Variants in DOCK7 observed in about 807,000 individuals in gnomAD.
DOCK7 encodes the protein dedicator of cytokinesis 7, also known as dedicator of cytokinesis protein 7.
DOCK7 carries 138 observed loss-of-function variants against 271.0 expected under a neutral mutation model. The observed-to-expected ratio is 0.51, with a 90% CI of 0.44 to 0.59. The LOEUF (loss-of-function observed/expected upper bound fraction) is 0.59, where lower values mean the gene tolerates loss of function less well. Ranked by LOEUF, DOCK7 falls within the 20% of genes least tolerant of loss-of-function variation. The pLI is 0.00. For missense variants in DOCK7, 2,066 were observed against 2,592.4 expected, an observed-to-expected ratio of 0.80 and a Z score of 4.41; for synonymous variants, 823 against 876.1, an observed-to-expected ratio of 0.94 and a Z score of 1.07.
At chr1:62,582,900 T>C (rs569331113) in intron 16 of DOCK7, among the ~76,000 whole-genome samples, 1 of 152,256 alleles carries the variant, frequency 6.6e-6, no homozygotes, top group South Asian at 2.1e-4. Context: ...TGGAAATAAC[T>C]GGGAAAGACC....
chr1:62,504,480 T>G (rs1236252438), intron 37 of DOCK7, 150 bp downstream of exon 37: 1 of 838,768 alleles, frequency 1.2e-6, no homozygotes, highest in African/African-American at 1.7e-5. Context: ...TTTTGTAAGA[T>G]ATACACAGAA....
intron 48 of DOCK7, among the ~76,000 whole-genome samples, chr1:62,460,637 A>ACC (rs1401687995): frequency 7.8e-6 from 1 of 128,770 alleles, no homozygotes; most frequent in African/African-American, 3.1e-5. Context: ...ACACACACAC[A>ACC]CACCCTCCAA....
intron 31 of DOCK7, among the ~76,000 whole-genome samples, chr1:62,517,322 C>T (rs1337954293): frequency 2.0e-5 from 3 of 152,142 alleles, no homozygotes; most frequent in South Asian, 2.1e-4. Context: ...ACAGGCCGGG[C>T]GCAGTGGCTC....
intron 17 of DOCK7, 65 bp downstream of exon 17, chr1:62,578,763 A>G: frequency 7.6e-7 from 1 of 1,320,958 alleles, no homozygotes; most frequent in Non-Finnish European, 1.0e-6. Flanking sequence ...AGAAATATCA[A>G]TTATATCTTA....
intron 10 of DOCK7, 59 bp downstream of exon 10, chr1:62,633,439 G>T: frequency 8.0e-7 from 1 of 1,248,428 alleles, no homozygotes; most frequent in Non-Finnish European, 1.2e-6. Flanking sequence ...TGGGAGAATA[G>T]TATTCTCCCA....
intron 12 of DOCK7, among the ~76,000 whole-genome samples, chr1:62,621,193 G>A (rs1462628821): frequency 6.6e-6 from 1 of 151,970 alleles, no homozygotes; most frequent in Admixed American, 6.6e-5. Flanking sequence ...GGAGGAATAG[G>A]AGGAGGAAGA....
At chr1:62,523,866 C>G (rs1429725128) in intron 31 of DOCK7, among the ~76,000 whole-genome samples, 9 of 151,722 alleles carry the variant, frequency 5.9e-5, no homozygotes, top group African/African-American at 2.2e-4. Flanking sequence ...GACTCTGTCT[C>G]CAAGATAAAT....
chr1:62,655,537 A>G (rs1657914554), intron 2 of DOCK7, among the ~76,000 whole-genome samples: 1 of 150,010 alleles, frequency 6.7e-6, no homozygotes, highest in African/African-American at 2.5e-5. Context: ...GGATTCTCCC[A>G]CCTCAGCCTC....
At chr1:62,538,991 A>C (rs1221376294) in intron 27 of DOCK7, among the ~76,000 whole-genome samples, 4 of 152,226 alleles carry the variant, frequency 2.6e-5, no homozygotes, top group Non-Finnish European at 5.9e-5. Context: ...TAGAAGGCAG[A>C]CTTCACTAAT....
intron 41 of DOCK7, among the ~76,000 whole-genome samples, chr1:62,490,428 T>C (rs1272970000): frequency 6.6e-6 from 1 of 152,078 alleles, no homozygotes; most frequent in Non-Finnish European, 1.5e-5. Flanking sequence ...GGATTGGTGC[T>C]GTAGTAAGAG....
intron 6 of DOCK7, 89 bp from the exon 7 acceptor site, chr1:62,647,865 C>T: frequency 9.9e-7 from 1 of 1,008,214 alleles, no homozygotes; most frequent in Non-Finnish European, 1.5e-6. Context: ...TAATCTAACA[C>T]TTTTAGTCTT....
intron 43 of DOCK7, chr1:62,483,020 C>A (rs1236854486): frequency 6.6e-6 from 1 of 151,704 alleles, no homozygotes; most frequent in East Asian, 1.9e-4. Context: ...ATTTTTCTTT[C>A]TTTTTAAAAG....
At chr1:62,639,457 T>C (rs941759233) in intron 7 of DOCK7, among the ~76,000 whole-genome samples, 3 of 120,024 alleles carry the variant, frequency 2.5e-5, no homozygotes, top group Admixed American at 9.4e-5. Flanking sequence ...TTTTTTGAGA[T>C]GGAGTCTCGC....
chr1:62,657,887 CAAAACA>C (rs762257277), intron 2 of DOCK7, among the ~76,000 whole-genome samples: 90 of 147,792 alleles, frequency 6.1e-4, no homozygotes, highest in Non-Finnish European at 1.1e-3. Flanking sequence ...AAAATCAAAA[CAAAACA>C]AAAACAAAAA....
At chr1:62,466,403 A>G (rs1645678671) in intron 48 of DOCK7, among the ~76,000 whole-genome samples, 1 of 152,228 alleles carries the variant, frequency 6.6e-6, no homozygotes, top group African/African-American at 2.4e-5. Context: ...AAAGCTGCTA[A>G]CGCCTGAACC....
intron 18 of DOCK7, among the ~76,000 whole-genome samples, chr1:62,567,048 C>T (rs1324829660): frequency 6.6e-6 from 1 of 152,158 alleles, no homozygotes; most frequent in Non-Finnish European, 1.5e-5. Flanking sequence ...CAGAAAGCAA[C>T]AGATGCTGGA....
At position 62,561,624 on chromosome 1, in the gene DOCK7, T is replaced by C; in HGVS notation, c.2192A>G (p.His731Arg). 6.4e-7 allele frequency: 1 copy of C among 1,561,620 alleles called. No individual in the cohort carries two copies. Among genetic ancestry groups the C allele is most frequent in the Non-Finnish European group, 8.6e-7 (1 of 1,161,842 alleles). The part of the protein sequence containing the change: ...NVEVVAVSSI[H>R]TQDPYLDKFF... ...AAAATTATTAAAACTCACTTGTGTATGGATAGACGAAACAGCAACAACTTC... is the reference window on the plus strand; with the variant it reads ...AAAATTATTAAAACTCACTTGTGTACGGATAGACGAAACAGCAACAACTTC... The change falls in exon 19 of 50, where the codon CAT (histidine) becomes CGT (arginine). Residue 731 changes from histidine to arginine, a missense_variant. This residue lies in a region of DOCK7 where 1,414 missense variants were observed against 1,670.4 expected (regional missense o/e 0.85). Coordinates refer to ENST00000635253, the MANE Select transcript of DOCK7 (RefSeq NM_001367561.1).
intron 16 of DOCK7, among the ~76,000 whole-genome samples, chr1:62,579,854 G>A (rs141575104): frequency 6.5e-4 from 99 of 151,990 alleles, no homozygotes; most frequent in African/African-American, 2.2e-3. Context: ...ATCAGGAAAC[G>A]CCCACAAACT....
chr1:62,651,425 T>A (rs1208980242), intron 4 of DOCK7, among the ~76,000 whole-genome samples: 1 of 137,444 alleles, frequency 7.3e-6, no homozygotes, highest in Non-Finnish European at 1.5e-5. Flanking sequence ...GTTGTGCACA[T>A]GTACCCTAGA....
Sources: allele counts gnomAD v4.1 joint callset (sites outside exome capture counted in the v4.1 genomes callset), GRCh38; gene constraint gnomAD v4.1.1; regional missense constraint gnomAD v4.1.1; transcripts MANE v1.5; gene names NCBI Gene and HGNC (gene_info 2026-07-23, HGNC 2026-07-21).